Variants in MSI1 observed in about 807,000 individuals in gnomAD.
The protein encoded by MSI1 is musashi RNA binding protein 1.
Under a neutral mutation model 54.4 loss-of-function variants are expected in MSI1, and 15 were observed. The observed-to-expected ratio is 0.28, with a 90% CI of 0.18 to 0.42. MSI1 has a LOEUF of 0.42. MSI1 is among the 20% of genes least tolerant of loss of function. The probability of loss-of-function intolerance (pLI) is 1.00; values close to 1 mark genes in which losing one functional copy is unlikely to be tolerated. For synonymous variants in MSI1, 200 were observed against 196.5 expected, an observed-to-expected ratio of 1.02 and a Z score of -0.15; for missense variants, 304 against 506.0, an observed-to-expected ratio of 0.60 and a Z score of 3.83.
At chr12:120,361,660 G>C (rs1875654732) in intron 6 of MSI1, among the ~76,000 whole-genome samples, 1 of 151,336 alleles carries the variant, frequency 6.6e-6, no homozygotes, top group African/African-American at 2.4e-5. Context: ...CGGCCGCTAA[G>C]CCTGAGTGGC....
chr12:120,367,872 T>C (rs1431700292), intron 4 of MSI1, 136 bp downstream of exon 4: 2 of 827,402 alleles, frequency 2.4e-6, no homozygotes, highest in Non-Finnish European at 3.7e-6. Flanking sequence ...TTTCAGAGCA[T>C]GGCAGCCCTC....
intron 5 of MSI1, 121 bp from the exon 6 acceptor site, chr12:120,363,256 TA>T (rs1592948100): frequency 1.4e-6 from 1 of 691,434 alleles, no homozygotes; most frequent in Non-Finnish European, 2.4e-6. Flanking sequence ...CCAGCCTCTT[TA>T]AAGGCCCCCC....
At chr12:120,340,774 C>G (rs1873637816), downstream of MSI1, among the ~76,000 whole-genome samples, 3 of 152,052 alleles carry the variant, frequency 2.0e-5, no homozygotes, top group African/African-American at 4.8e-5. Flanking sequence ...TCAGCCTCCC[C>G]AAGTACTGGG....
intron 6 of MSI1, among the ~76,000 whole-genome samples, chr12:120,360,638 G>A (rs976887822): frequency 2.0e-5 from 3 of 152,104 alleles, no homozygotes; most frequent in African/African-American, 7.2e-5. Flanking sequence ...CAGAAACCCA[G>A]AAAGAAGGAT....
At chr12:120,356,462 C>T (rs1875126723) in intron 9 of MSI1, among the ~76,000 whole-genome samples, 1 of 152,174 alleles carries the variant, frequency 6.6e-6, no homozygotes, top group South Asian at 2.1e-4. Context: ...ACTCCCTCGG[C>T]ACCCTACACT....
intron 12 of MSI1, among the ~76,000 whole-genome samples, chr12:120,346,883 G>C (rs759567532): frequency 5.3e-5 from 8 of 151,898 alleles, no homozygotes; most frequent in Non-Finnish European, 1.2e-4. Context: ...CAGCATTATT[G>C]CCTTTTTAAT....
rs376726082 is a variant in MSI1, at chr12:120,358,266, G to T, written c.452-368C>A. ...TTTAAACTTACACAAAGGTGTACATGTCCAAACATACAAATGTACATAGAC... is the reference window on the plus strand; with the variant it reads ...TTTAAACTTACACAAAGGTGTACATTTCCAAACATACAAATGTACATAGAC... On this transcript the variant is annotated intron_variant, in intron 7 of 14. Transcript: ENST00000257552. 1.5e-4 allele frequency among the ~76,000 whole-genome samples: 23 copies of T among 152,316 alleles called. No individual in the cohort carries two copies. In the East Asian group the frequency reaches 3.3e-3, roughly 22 times the overall value.
chr12:120,351,501 C>G, intron 10 of MSI1, 101 bp from the exon 11 acceptor site: 1 of 1,059,424 alleles, frequency 9.4e-7, no homozygotes, highest in South Asian at 1.4e-5. Flanking sequence ...GGTGAGGAGA[C>G]AGGCCATGCA....
rs751716705 is a variant in MSI1, at chr12:120,351,393, A to G, written c.741T>C (p.Arg247=). The G allele has an allele frequency of 6.2e-7, 1 of 1,613,606 alleles. No homozygotes were observed. The highest frequency in any genetic ancestry group is 8.5e-7 in the Non-Finnish European group (1 of 1,179,898). The change falls in exon 11 of 15, where the codon CGT becomes CGC. Residue 247 remains arginine (R), a synonymous_variant. Transcript: ENST00000257552. ...CGCTCGGGAGAGGGGTCCGCTCTAC[A>G]CGGAATTCTAAAATGAAACGTAAAA... The part of the protein sequence containing the change: ...PGYTYQFPEF[R]VERTPLPSAP...
At chr12:120,363,199 G>T (rs181718012) in intron 5 of MSI1, 64 bp from the exon 6 acceptor site, 25 of 1,422,218 alleles carry the variant, frequency 1.8e-5, no homozygotes, top group Non-Finnish European at 2.5e-5. Context: ...ACCAGCAGGG[G>T]CTCGAGCCCC....
chr12:120,365,172 A>T (rs1875937682), intron 4 of MSI1, among the ~76,000 whole-genome samples: 1 of 152,034 alleles, frequency 6.6e-6, no homozygotes, highest in Non-Finnish European at 1.5e-5. Flanking sequence ...CAGCCTTCCA[A>T]AGTCCCGGGA....
rs1455971174 is a variant in MSI1 at position 120,352,014 on chromosome 12, AT to A, written c.734-615del. 5.0e-4 allele frequency among the ~76,000 whole-genome samples: 29 copies of A among 58,498 alleles called. 1 individual carries two copies. The East Asian group carries it at 7.5e-3, about 15-fold the overall frequency. 38.4% of individuals were successfully genotyped at this position (58,498 alleles called of 152,430 possible). Reference sequence around the variant, plus strand: ...TGAACCACCGCGCCTGGCCCTTTTTATTTAAAAAAAAAAAAAAAAAAAAGAC... The same window carrying A: ...TGAACCACCGCGCCTGGCCCTTTTTATTAAAAAAAAAAAAAAAAAAAAGAC... On this transcript the variant is annotated intron_variant, in intron 10 of 14. Coordinates refer to ENST00000257552, the MANE Select transcript of MSI1 (RefSeq NM_002442.4).
chr12:120,353,523 G>A lies in MSI1; in HGVS notation c.653-144C>T. 4.0e-6 allele frequency: 3 copies of A among 741,156 alleles called. No individual in the cohort carries two copies. The South Asian group carries it at 5.0e-5, about 12-fold the overall frequency. 45.9% of individuals were successfully genotyped at this position (741,156 alleles called of 1,614,324 possible). A position where few individuals can be genotyped will look rare whatever the true frequency, so the allele number is the denominator to read the frequency against. ...CCTCCAAATACCTTCTTCATACCAA[G>A]CCCTGTGCCAAGCACACTGCACACT... On this transcript the variant is annotated intron_variant, in intron 9 of 14. Transcript: ENST00000257552.
intron 11 of MSI1, 120 bp downstream of exon 11, chr12:120,351,224 C>T: frequency 1.0e-6 from 1 of 996,286 alleles, no homozygotes; most frequent in Non-Finnish European, 1.5e-6. Context: ...TGTGTCCCCA[C>T]AGCCGGAGGG....
intron 11 of MSI1, among the ~76,000 whole-genome samples, chr12:120,350,560 CCA>C (rs1159426367): frequency 6.6e-6 from 1 of 152,178 alleles, no homozygotes; most frequent in Non-Finnish European, 1.5e-5. Context: ...CTCACGTCTT[CCA>C]CACATGGCCA....
At chr12:120,357,202 C>T (rs577553259) in intron 8 of MSI1, among the ~76,000 whole-genome samples, 183 bp from the exon 9 acceptor site, 1 of 152,224 alleles carries the variant, frequency 6.6e-6, no homozygotes, top group Non-Finnish European at 1.5e-5. Context: ...TGCATGCAAT[C>T]GTTCAATGAA....
intron 12 of MSI1, among the ~76,000 whole-genome samples, chr12:120,347,024 A>G (rs1418788565): frequency 6.6e-6 from 1 of 151,340 alleles, no homozygotes. Context: ...ATCTCAGCTC[A>G]CTGCAACCTC....
At chr12:120,366,265 G>C (rs1876011793) in intron 4 of MSI1, among the ~76,000 whole-genome samples, 1 of 152,118 alleles carries the variant, frequency 6.6e-6, no homozygotes, top group Admixed American at 6.5e-5. Flanking sequence ...GCTTCTCTCT[G>C]AATGGCACAG....
chr12:120,368,832 C>A lies in MSI1; in HGVS notation c.100+1G>T. On this transcript the variant is annotated splice_donor_variant, in intron 2 of 14. Coordinates refer to ENST00000257552, the MANE Select transcript of MSI1 (RefSeq NM_002442.4). LOFTEE classifies it high-confidence loss of function. The surrounding 1 kb of genome is among the most constrained non-coding windows in gnomAD (Gnocchi z 6.6). ...CGGCGGGCGCTCCCGGGCTCGCTCA[C>A]CCTGCGTAGTCTGCCAACTGAGTCC... is the stretch of plus-strand genomic sequence containing the variant. The A allele has an allele frequency of 6.9e-7, 1 of 1,447,620 alleles. No homozygotes were observed. The highest frequency in any genetic ancestry group is 9.2e-7 in the Non-Finnish European group (1 of 1,088,062). 89.7% of individuals were successfully genotyped at this position (1,447,620 alleles called of 1,614,324 possible).
Sources: gnomAD v4.1 joint callset for allele counts (sites outside exome capture counted in the v4.1 genomes callset) on GRCh38, gnomAD v4.1.1 for gene constraint, Gnocchi (gnomAD v3.1) non-coding constraint, MANE v1.5 for transcripts, NCBI Gene and HGNC (gene_info 2026-07-23, HGNC 2026-07-21) for gene names.